STK40: variants seen among roughly 807,000 people sequenced by gnomAD.
STK40 encodes serine/threonine kinase 40.
STK40 carries 13 observed loss-of-function variants against 47.9 expected under a neutral mutation model. The ratio of observed to expected loss-of-function variants is 0.27; its 90% CI spans 0.18 to 0.43. The LOEUF (loss-of-function observed/expected upper bound fraction) is 0.43, where lower values mean the gene tolerates loss of function less well. Among genes scored for constraint, STK40 ranks in the 20% least tolerant of loss-of-function variants. The probability of loss-of-function intolerance (pLI) is 1.00; values close to 1 mark genes in which losing one functional copy is unlikely to be tolerated. For synonymous variants in STK40, 225 were observed against 243.2 expected (o/e 0.93, Z 0.69); for missense variants, 460 against 595.1 (o/e 0.77, Z 2.36).
At position 36,358,351 on chromosome 1, in the gene STK40, C is replaced by T; in HGVS notation, c.230G>A (p.Gly77Asp). The change falls in exon 4 of 11, where the codon GGC becomes GAC. Residue 77 changes from glycine to aspartate, a missense_variant. By Grantham distance (94) the Gly-to-Asp change is moderately conservative. Around this residue, in one of 3 missense-constraint regions of STK40, gnomAD observed 277 missense variants for 358.7 expected, o/e 0.77. Transcript: ENST00000373132. Reference protein sequence around the residue: ...ILTLEERGDQGIESQEERQGK... With the variant: ...ILTLEERGDQDIESQEERQGK... Reference sequence around the variant, plus strand: ...CTGCCGCTCTTCCTGGCTCTCTATGCCTTGGTCCCCCCTCTCCTCCAGGGT... The same window carrying T: ...CTGCCGCTCTTCCTGGCTCTCTATGTCTTGGTCCCCCCTCTCCTCCAGGGT... The T allele has an allele frequency of 6.2e-7, 1 of 1,607,414 alleles. No individual in the cohort carries two copies. The highest frequency in any genetic ancestry group is 1.1e-5 in the South Asian group (1 of 90,920).
chr1:36,361,394 T>C, intron 1 of STK40, 54 bp from the exon 2 acceptor site: 3 of 1,607,784 alleles, frequency 1.9e-6, no homozygotes, highest in African/African-American at 1.3e-5. Flanking sequence ...AGTTTCCTTA[T>C]GCTAACCCAG....
Position 36,341,444 on chromosome 1 carries a change from C to T in STK40, c.*311G>A, listed in dbSNP as rs1050430201. 11 of 310,206 alleles carry T rather than the reference C, an allele frequency of 3.5e-5. No homozygotes were observed. The highest frequency in any genetic ancestry group is 2.4e-4 in the African/African-American group (11 of 46,410). The allele number at this position is 310,206 out of a possible 1,614,324, so 19.2% of individuals were successfully genotyped here. On this transcript the variant is annotated 3_prime_UTR_variant, in exon 11 of 11. Transcript: ENST00000373132. ...GCCCTGGAGTGGGGTGAGCAGGCTCCCTCCTCCCTCTTGCTCAGTCCAGAG... is the reference window on the plus strand; with the variant it reads ...GCCCTGGAGTGGGGTGAGCAGGCTCTCTCCTCCCTCTTGCTCAGTCCAGAG...
chr1:36,358,159 T>G (rs1646820804), intron 4 of STK40, 80 bp downstream of exon 4: 5 of 1,465,260 alleles, frequency 3.4e-6, no homozygotes, highest in Non-Finnish European at 4.6e-6. Context: ...GAGCTGCTCG[T>G]ATGGCTGTGG....
intron 1 of STK40, 90 bp from the exon 2 acceptor site, chr1:36,361,430 A>G (rs2124739448): frequency 1.3e-6 from 2 of 1,569,724 alleles, no homozygotes; most frequent in Non-Finnish European, 1.7e-6. Flanking sequence ...CTTGGGATGC[A>G]TCACACAGCT....
At chr1:36,363,947 C>A (rs767146176) in intron 1 of STK40, among the ~76,000 whole-genome samples, 1 of 151,940 alleles carries the variant, frequency 6.6e-6, no homozygotes, top group South Asian at 2.1e-4. Flanking sequence ...GTCAGGAGAT[C>A]GAGACCATCC....
chr1:36,361,800 C>A (rs567787698), intron 1 of STK40, among the ~76,000 whole-genome samples: 35 of 152,200 alleles, frequency 2.3e-4, no homozygotes, highest in African/African-American at 7.7e-4. Context: ...ACCCGAGGTG[C>A]CCATTCCTGG....
chr1:36,381,530 G>A (rs1461978303), intron 1 of STK40, among the ~76,000 whole-genome samples: 4 of 152,142 alleles, frequency 2.6e-5, no homozygotes, highest in Admixed American at 6.5e-5. Flanking sequence ...GTCCAGGCTC[G>A]AGTGCAGTGG....
rs566332484 is a variant in STK40 at position 36,383,846 on chromosome 1, A to G, written c.-9+1877T>C. On this transcript the variant is annotated intron_variant, in intron 1 of 10. Coordinates refer to ENST00000373132, the MANE Select transcript of STK40 (RefSeq NM_001282547.2). ...TGTCTATCTCGCTCTCAAAGTATTC[A>G]TTCTCACCTGGCTAAGCCTCCCCTC... 7.9e-5 allele frequency among the ~76,000 whole-genome samples: 12 copies of G among 152,078 alleles called. No individual in the cohort carries two copies. The East Asian group carries it at 2.3e-3, about 29-fold the overall frequency.
intron 4 of STK40, among the ~76,000 whole-genome samples, chr1:36,356,826 G>A (rs1557512840): frequency 6.6e-6 from 1 of 152,034 alleles, no homozygotes; most frequent in Non-Finnish European, 1.5e-5. Context: ...TGATCACCCA[G>A]GTTCTCTCAT....
At chr1:36,359,520 G>A (rs1279703901) in intron 2 of STK40, among the ~76,000 whole-genome samples, 3 of 152,220 alleles carry the variant, frequency 2.0e-5, no homozygotes, top group Admixed American at 2.0e-4. Flanking sequence ...ACAGCCATCT[G>A]GCCCCTGTCC....
chr1:36,356,322 G>C (rs1399146882), intron 4 of STK40, among the ~76,000 whole-genome samples: 1 of 151,838 alleles, frequency 6.6e-6, no homozygotes, highest in Non-Finnish European at 1.5e-5. Context: ...GACTTCATCT[G>C]ACCAGCTTGA....
At chr1:36,345,994 T>A (rs867865112) in intron 7 of STK40, among the ~76,000 whole-genome samples, 1,466 of 88,962 alleles carry the variant, frequency 0.016, 21 homozygotes, top group East Asian at 0.057. Context: ...TATATATATT[T>A]TTTTTTTTTT....
intron 6 of STK40, among the ~76,000 whole-genome samples, chr1:36,351,741 AC>A (rs1288877546): frequency 6.6e-6 from 1 of 152,192 alleles, no homozygotes; most frequent in Non-Finnish European, 1.5e-5. Context: ...CACTCCCAGG[AC>A]CAAGGGGCCC....
In STK40 at chr1:36,355,290, G is replaced by A. The variant is rs758482797; in HGVS notation, c.486C>T (p.Tyr162=). The A allele has an allele frequency of 2.5e-6, 4 of 1,614,106 alleles. No homozygotes were observed. Among genetic ancestry groups the A allele is most frequent in the African/African-American group, 1.3e-5 (1 of 75,026 alleles). ...CGCTGAGCCTCTTCTCCTTGATGACGTAGTGCTGCAGGTTGATGAGGTCAG... is the reference window on the plus strand; with the variant it reads ...CGCTGAGCCTCTTCTCCTTGATGACATAGTGCTGCAGGTTGATGAGGTCAG... ...KTADLINLQH[Y]VIKEKRLSER... is the part of the protein sequence containing the mutation. Residue 162 remains tyrosine (Y), a synonymous_variant, in exon 5 of 11, where the codon TAC becomes TAT. Coordinates refer to ENST00000373132, the MANE Select transcript of STK40 (RefSeq NM_001282547.2).
At chr1:36,359,463 A>C (rs1646833354) in intron 2 of STK40, among the ~76,000 whole-genome samples, 1 of 152,178 alleles carries the variant, frequency 6.6e-6, no homozygotes, top group Non-Finnish European at 1.5e-5. Context: ...CTTCAGGGTG[A>C]GGATCCAGGA....
At chr1:36,353,456 C>T (rs1159119515) in intron 6 of STK40, among the ~76,000 whole-genome samples, 1 of 152,160 alleles carries the variant, frequency 6.6e-6, no homozygotes, top group Admixed American at 6.5e-5. Flanking sequence ...GAAACCAGGG[C>T]CGTGCTTGGT....
chr1:36,355,303 T>C lies in STK40; in HGVS notation c.473A>G (p.Asn158Ser), dbSNP rs1240128909. 6.2e-7 allele frequency: 1 copy of C among 1,614,120 alleles called. No individual in the cohort carries two copies. The change falls in exon 5 of 11, where the codon AAC becomes AGC. Residue 158 changes from asparagine to serine, a missense_variant. Physicochemically the swap from Asn to Ser is conservative, Grantham distance 46. Transcript: ENST00000373132. ...DFSDKTADLINLQHYVIKEKR... is the reference protein window; with the variant it reads ...DFSDKTADLISLQHYVIKEKR... ...CTCCTTGATGACGTAGTGCTGCAGGTTGATGAGGTCAGCGGTCTTATCGCT... is the reference window on the plus strand; with the variant it reads ...CTCCTTGATGACGTAGTGCTGCAGGCTGATGAGGTCAGCGGTCTTATCGCT...
rs181659082 is a variant in STK40, at chr1:36,368,010, C to T, written c.-8-6670G>A. 20 of 373,064 alleles carry T rather than the reference C, an allele frequency of 5.4e-5. No homozygotes were observed. In the Admixed American group the frequency reaches 5.8e-4, roughly 11 times the overall value. 23.1% of individuals were successfully genotyped at this position (373,064 alleles called of 1,614,324 possible). On this transcript the variant is annotated intron_variant, in intron 1 of 10. Transcript: ENST00000373132. The stretch of plus-strand genomic sequence containing the variant: ...CTTAAGATCTCTTGGAGCAGGATTG[C>T]GGGAGGAGAGCAGAGCACATATATT...
At chr1:36,358,877 C>G in intron 2 of STK40, 55 bp from the exon 3 acceptor site, 1 of 1,603,596 alleles carries the variant, frequency 6.2e-7, no homozygotes, top group South Asian at 1.1e-5. Flanking sequence ...TGTCACGACG[C>G]CAGGTCACCA....
Sources: allele counts gnomAD v4.1 joint callset (sites outside exome capture counted in the v4.1 genomes callset), GRCh38; gene constraint gnomAD v4.1.1; regional missense constraint gnomAD v4.1.1; transcripts MANE v1.5; gene names NCBI Gene and HGNC (gene_info 2026-07-23, HGNC 2026-07-21).